TYW1B: variants seen among roughly 807,000 people sequenced by gnomAD.
The protein encoded by TYW1B is tRNA-yW synthesizing protein 1 homolog B.
TYW1B carries 73 observed loss-of-function variants against 86.9 expected under a neutral mutation model. The ratio of observed to expected loss-of-function variants is 0.84; its 90% CI spans 0.70 to 1.02. The LOEUF is 1.02. TYW1B is among the 50% of genes least tolerant of loss of function. The pLI, the probability that TYW1B is intolerant of heterozygous loss-of-function variation, is 0.00. For missense variants in TYW1B, 637 were observed against 827.4 expected (o/e 0.77, Z 2.82); for synonymous variants, 248 against 292.8 (o/e 0.85, Z 1.56).
intron 9 of TYW1B, among the ~76,000 whole-genome samples, chr7:72,718,896 T>A (rs1382866250): frequency 6.6e-6 from 1 of 152,148 alleles, no homozygotes; most frequent in Non-Finnish European, 1.5e-5. Flanking sequence ...GGGATTCAGA[T>A]GCACCGGGTT....
Position 72,616,718 on chromosome 7 carries a change from G to A in TYW1B, c.1739C>T (p.Ala580Val), listed in dbSNP as rs782780047. 4 of 1,614,208 alleles carry A rather than the reference G, an allele frequency of 2.5e-6. No individual in the cohort carries two copies. The South Asian group carries it at 3.3e-5, about 13-fold the overall frequency. The change falls in exon 13 of 14, where the codon GCA (alanine) becomes GTA (valine). Residue 580 changes from alanine to valine, a missense_variant. Coordinates refer to ENST00000620995, the MANE Select transcript of TYW1B (RefSeq NM_001145440.3). ...GCAATTAGAGTGTTCGTGTTCACAT[G>A]CAATTTCATATTCGGGGATCAGATC... is the stretch of plus-strand genomic sequence containing the variant. ...LVDLIPEYEI[A>V]CEHEHSNCLL... is the part of the protein sequence containing the mutation.
At chr7:72,735,140 G>A (rs187279921) in intron 8 of TYW1B, among the ~76,000 whole-genome samples, 6 of 152,314 alleles carry the variant, frequency 3.9e-5, no homozygotes, top group African/African-American at 1.4e-4. Context: ...ATGTTGAAGA[G>A]ACAGCTGCAT....
intron 3 of TYW1B, among the ~76,000 whole-genome samples, chr7:72,814,013 T>TAA (rs72093914): frequency 7.6e-6 from 1 of 132,442 alleles, no homozygotes; most frequent in Non-Finnish European, 1.7e-5. Flanking sequence ...AAAACTCCAT[T>TAA]AAAAAAAAAA....
At chr7:72,699,847 G>A (rs369764930) in intron 10 of TYW1B, among the ~76,000 whole-genome samples, 2 of 151,962 alleles carry the variant, frequency 1.3e-5, no homozygotes, top group East Asian at 1.9e-4. Context: ...ATGGGGTTTC[G>A]CCATGTTGGC....
chr7:72,611,551 C>T (rs2129568301), intron 13 of TYW1B, among the ~76,000 whole-genome samples: 1 of 152,234 alleles, frequency 6.6e-6, no homozygotes, highest in East Asian at 1.9e-4. Flanking sequence ...TGCCTTCTAC[C>T]ATTATTGTGA....
At chr7:72,727,140 G>C (rs60676271) in intron 9 of TYW1B, among the ~76,000 whole-genome samples, 1,881 of 152,274 alleles carry the variant, frequency 0.012, 46 homozygotes, top group African/African-American at 0.042. Flanking sequence ...ACCATATCAA[G>C]TGGTAAGGAG....
intron 3 of TYW1B, among the ~76,000 whole-genome samples, chr7:72,811,246 G>C (rs1286110652): frequency 6.8e-6 from 1 of 148,008 alleles, no homozygotes; most frequent in Non-Finnish European, 1.5e-5. Context: ...ACTCCAGCCT[G>C]GGCGACAGAG....
At chr7:72,733,198 A>ACACACC (rs1254387615) in intron 8 of TYW1B, among the ~76,000 whole-genome samples, 5 of 135,568 alleles carry the variant, frequency 3.7e-5, no homozygotes, top group African/African-American at 1.4e-4. Context: ...ACACACACAC[A>ACACACC]CCTCTCACAC....
rs532288613 is a variant in TYW1B, at chr7:72,650,203, C to T, written c.1507-21206G>A. ...TGCTGGGATTACAGGAGTGAGCCAC[C>T]GCGCCTAGTCCAGAATGTTTTTAAC... On this transcript the variant is annotated intron_variant, in intron 11 of 13. Transcript: ENST00000620995. Among the ~76,000 whole-genome samples the T allele has an allele frequency of 4.6e-5, 7 of 152,034 alleles. No individual in the cohort carries two copies. The East Asian group carries it at 1.4e-3, about 29-fold the overall frequency.
At chr7:72,639,103 A>G (rs1812738583) in intron 11 of TYW1B, among the ~76,000 whole-genome samples, 1 of 152,150 alleles carries the variant, frequency 6.6e-6, no homozygotes, top group South Asian at 2.1e-4. Context: ...TTTAGATATT[A>G]CTCTGAGAAA....
chr7:72,672,942 G>C (rs1181034116), intron 11 of TYW1B, among the ~76,000 whole-genome samples: 7 of 152,176 alleles, frequency 4.6e-5, no homozygotes, highest in Non-Finnish European at 7.4e-5. Flanking sequence ...GCCAAGGCGG[G>C]TGGATCACTT....
chr7:72,678,353 G>A (rs572433622), intron 11 of TYW1B, among the ~76,000 whole-genome samples: 1 of 152,170 alleles, frequency 6.6e-6, no homozygotes, highest in South Asian at 2.1e-4. Flanking sequence ...TTTGAGTGGA[G>A]TCCTGAAGGA....
At chr7:72,798,823 G>T (rs1554475051) in intron 6 of TYW1B, among the ~76,000 whole-genome samples, 1 of 152,158 alleles carries the variant, frequency 6.6e-6, no homozygotes, top group Non-Finnish European at 1.5e-5. Flanking sequence ...TCTGAAAGGT[G>T]AGAAATGTTT....
chr7:72,809,923 G>A (rs782595424), intron 4 of TYW1B, among the ~76,000 whole-genome samples: 4 of 148,332 alleles, frequency 2.7e-5, no homozygotes, highest in Non-Finnish European at 4.5e-5. Context: ...TCACTTGAAC[G>A]CAGGAGGCGG....
chr7:72,712,473 C>A (rs1226541103), intron 10 of TYW1B, among the ~76,000 whole-genome samples: 3 of 152,100 alleles, frequency 2.0e-5, no homozygotes, highest in Non-Finnish European at 2.9e-5. Flanking sequence ...GGATTACAGG[C>A]ATGCACCATC....
At chr7:72,785,934 G>A (rs1187093467) in intron 6 of TYW1B, among the ~76,000 whole-genome samples, 6 of 152,146 alleles carry the variant, frequency 3.9e-5, no homozygotes, top group African/African-American at 1.2e-4. Context: ...CCAACATGGC[G>A]AGGCGCTGTC....
intron 11 of TYW1B, among the ~76,000 whole-genome samples, chr7:72,630,055 G>A (rs1563037478): frequency 6.6e-6 from 1 of 152,102 alleles, no homozygotes; most frequent in Non-Finnish European, 1.5e-5. Flanking sequence ...GAGGCAGGGG[G>A]ATCACCTGAG....
chr7:72,720,582 G>A (rs1554457187), intron 9 of TYW1B, among the ~76,000 whole-genome samples: 1 of 152,122 alleles, frequency 6.6e-6, no homozygotes, highest in Non-Finnish European at 1.5e-5. Context: ...AGAAGCTTAT[G>A]TAAAACCTTG....
chr7:72,668,609 G>A (rs1554445747), intron 11 of TYW1B, among the ~76,000 whole-genome samples: 2 of 152,096 alleles, frequency 1.3e-5, no homozygotes, highest in Non-Finnish European at 2.9e-5. Flanking sequence ...TGCTCCACAA[G>A]CCACACGTGC....
Sources: allele counts gnomAD v4.1 joint callset (sites outside exome capture counted in the v4.1 genomes callset), GRCh38; gene constraint gnomAD v4.1.1; transcripts MANE v1.5; gene names NCBI Gene and HGNC (gene_info 2026-07-23, HGNC 2026-07-21).